CCDC175: variants seen among roughly 807,000 people sequenced by gnomAD.
The protein encoded by CCDC175 is coiled-coil domain containing 175.
Under a neutral mutation model 114.6 loss-of-function variants are expected in CCDC175, and 100 were observed. The ratio of observed to expected loss-of-function variants is 0.87; its 90% CI spans 0.74 to 1.03. The LOEUF is 1.03. Among genes scored for constraint, CCDC175 ranks in the 50% least tolerant of loss-of-function variants. CCDC175 has a pLI of 0.00. For synonymous variants in CCDC175, 306 were observed against 308.7 expected (o/e 0.99, Z 0.09); for missense variants, 880 against 917.8 (o/e 0.96, Z 0.53).
intron 7 of CCDC175, among the ~76,000 whole-genome samples, chr14:59,559,485 C>T (rs1405154002): frequency 1.3e-5 from 2 of 152,044 alleles, no homozygotes; most frequent in African/African-American, 4.8e-5. Flanking sequence ...GGCTATTAAC[C>T]AGCTTGCAAT....
intron 17 of CCDC175, among the ~76,000 whole-genome samples, chr14:59,515,138 G>A (rs1054349277): frequency 3.9e-5 from 6 of 152,142 alleles, no homozygotes; most frequent in African/African-American, 1.4e-4. Flanking sequence ...TCACCACCAG[G>A]CCTGCCCTAC....
chr14:59,527,238 G>T, intron 14 of CCDC175, 64 bp from the exon 15 acceptor site: 1 of 855,180 alleles, frequency 1.2e-6, no homozygotes, highest in Non-Finnish European at 1.7e-6. Context: ...AATCAAAGAA[G>T]TACCTAGTTT....
At chr14:59,523,604 T>C (rs918401766) in intron 16 of CCDC175, among the ~76,000 whole-genome samples, 1 of 152,202 alleles carries the variant, frequency 6.6e-6, no homozygotes, top group African/African-American at 2.4e-5. Flanking sequence ...TTGGGGTACA[T>C]TGATAACAGA....
intron 14 of CCDC175, among the ~76,000 whole-genome samples, chr14:59,530,196 A>G (rs1285463020): frequency 1.3e-5 from 2 of 151,786 alleles, no homozygotes; most frequent in African/African-American, 4.8e-5. Context: ...GTGAAACCCC[A>G]TCTCTACTAA....
chr14:59,536,981 C>G (rs1010379153), intron 13 of CCDC175, among the ~76,000 whole-genome samples: 7 of 152,074 alleles, frequency 4.6e-5, no homozygotes, highest in Non-Finnish European at 1.0e-4. Context: ...CGAGGTTTCA[C>G]TATCTTGGCC....
At chr14:59,513,282 C>G (rs903363561) in intron 17 of CCDC175, among the ~76,000 whole-genome samples, 13 of 152,146 alleles carry the variant, frequency 8.5e-5, no homozygotes, top group African/African-American at 3.1e-4. Flanking sequence ...AACTGAGGTA[C>G]TGGGTTCATC....
intron 18 of CCDC175, 89 bp from the exon 19 acceptor site, chr14:59,510,897 A>T (rs1892700556): frequency 9.1e-7 from 1 of 1,097,866 alleles, no homozygotes; most frequent in South Asian, 1.6e-5. Context: ...CCAAAAAAAA[A>T]TATTATATAT....
At chr14:59,532,167 C>T (rs1451478685) in intron 13 of CCDC175, among the ~76,000 whole-genome samples, 1 of 152,184 alleles carries the variant, frequency 6.6e-6, no homozygotes, top group Non-Finnish European at 1.5e-5. Flanking sequence ...CTTTAAACCT[C>T]TTCTGCTATA....
intron 9 of CCDC175, among the ~76,000 whole-genome samples, chr14:59,543,850 AC>A (rs1293577413): frequency 6.6e-6 from 1 of 152,190 alleles, no homozygotes; most frequent in East Asian, 1.9e-4. Flanking sequence ...AAGAATATTC[AC>A]CACAATAGTA....
chr14:59,510,527 G>A lies in CCDC175; in HGVS notation c.2305+119C>T, dbSNP rs1459704991. The A allele has an allele frequency of 4.3e-6, 4 of 938,952 alleles. No individual in the cohort carries two copies. The African/African-American group carries it at 6.5e-5, about 15-fold the overall frequency. 58.2% of individuals were successfully genotyped at this position (938,952 alleles called of 1,614,324 possible). On this transcript the variant is annotated intron_variant, in intron 19 of 19. Transcript: ENST00000537690. Reference sequence around the variant, plus strand: ...ATCAATGTTCAATTGAATGTTTGTGGCATAATTGGGGATAACTAAGTCACT... The same window carrying A: ...ATCAATGTTCAATTGAATGTTTGTGACATAATTGGGGATAACTAAGTCACT...
At chr14:59,567,901 A>G (rs1896647186) in intron 4 of CCDC175, among the ~76,000 whole-genome samples, 1 of 152,226 alleles carries the variant, frequency 6.6e-6, no homozygotes, top group Non-Finnish European at 1.5e-5. Flanking sequence ...TGTAAACTTA[A>G]TTCTACAAAA....
chr14:59,517,262 G>C (rs1308268338), intron 17 of CCDC175, among the ~76,000 whole-genome samples: 1 of 152,202 alleles, frequency 6.6e-6, no homozygotes, highest in East Asian at 1.9e-4. Flanking sequence ...ACTGGTACAA[G>C]ACAGGGATGC....
At chr14:59,531,641 G>C (rs1894080042) in intron 14 of CCDC175, 131 bp downstream of exon 14, 2 of 586,518 alleles carry the variant, frequency 3.4e-6, no homozygotes, top group African/African-American at 3.9e-5. Context: ...AGAGAACAGA[G>C]GGCTAAAGGT....
At chr14:59,553,133 C>A (rs374355291) in intron 7 of CCDC175, among the ~76,000 whole-genome samples, 6,113 of 152,146 alleles carry the variant, frequency 0.04, 159 homozygotes, top group Non-Finnish European at 0.06. Flanking sequence ...GATACTCCTC[C>A]AGAAGAGCAA....
At chr14:59,513,528 C>G (rs983194150) in intron 17 of CCDC175, among the ~76,000 whole-genome samples, 1 of 152,218 alleles carries the variant, frequency 6.6e-6, no homozygotes, top group East Asian at 1.9e-4. Flanking sequence ...TATCCCGTGC[C>G]TGGCTTGGAG....
At chr14:59,508,793 T>A (rs1048988431) in intron 19 of CCDC175, among the ~76,000 whole-genome samples, 4 of 152,042 alleles carry the variant, frequency 2.6e-5, no homozygotes, top group Non-Finnish European at 4.4e-5. Flanking sequence ...CACCATTCTA[T>A]GAACCAGAAA....
intron 17 of CCDC175, among the ~76,000 whole-genome samples, chr14:59,517,805 A>T (rs1175977460): frequency 6.6e-6 from 1 of 152,218 alleles, no homozygotes; most frequent in Non-Finnish European, 1.5e-5. Flanking sequence ...TTCTTCACAG[A>T]ATTGGAAAAA....
intron 17 of CCDC175, among the ~76,000 whole-genome samples, chr14:59,514,403 A>C (rs1892941354): frequency 6.6e-6 from 1 of 152,208 alleles, no homozygotes; most frequent in South Asian, 2.1e-4. Context: ...ATGTCAAAGA[A>C]GTTAAAAACC....
At chr14:59,553,474 TGGAAA>T (rs1246389263) in intron 7 of CCDC175, among the ~76,000 whole-genome samples, 2 of 151,978 alleles carry the variant, frequency 1.3e-5, no homozygotes, top group Non-Finnish European at 2.9e-5. Context: ...GCACTAAACA[TGGAAA>T]GGAAGAACCG....
Sources: allele counts gnomAD v4.1 joint callset (sites outside exome capture counted in the v4.1 genomes callset), GRCh38; gene constraint gnomAD v4.1.1; transcripts MANE v1.5; gene names NCBI Gene and HGNC (gene_info 2026-07-23, HGNC 2026-07-21).